CNTLN: variants seen among roughly 807,000 people sequenced by gnomAD.
CNTLN encodes centlein.
In CNTLN, 212 loss-of-function variants were observed where a neutral mutation model predicts 180.0. The ratio of observed to expected loss-of-function variants is 1.18; its 90% CI spans 1.05 to 1.32. The LOEUF (loss-of-function observed/expected upper bound fraction) is 1.32. Ranked by LOEUF, CNTLN falls within the 40% of genes most tolerant of loss-of-function variation. The pLI is 0.00. For synonymous variants in CNTLN, 722 were observed against 563.1 expected (o/e 1.28, Z -3.99); for missense variants, 2,095 against 1,610.9 (o/e 1.30, Z -5.14).
chr9:17,319,582 A>T (rs1364038788), intron 8 of CNTLN, among the ~76,000 whole-genome samples: 2 of 152,188 alleles, frequency 1.3e-5, no homozygotes, highest in Non-Finnish European at 2.9e-5. Context: ...TGGATTTGGA[A>T]CATAGACTTG....
At chr9:17,472,228 G>A (rs1157641590) in intron 23 of CNTLN, among the ~76,000 whole-genome samples, 1 of 152,002 alleles carries the variant, frequency 6.6e-6, no homozygotes, top group Non-Finnish European at 1.5e-5. Flanking sequence ...GGTACATGAG[G>A]GTTGATCTTG....
the CNTLN span, among the ~76,000 whole-genome samples, chr9:17,514,801 T>A: frequency 2.0e-5 from 3 of 152,196 alleles, no homozygotes; most frequent in Non-Finnish European, 2.9e-5. Context: ...CATACAGAAT[T>A]ATTGTGACTG....
At chr9:17,523,780 CT>C in the CNTLN span, among the ~76,000 whole-genome samples, 78 of 152,224 alleles carry the variant, frequency 5.1e-4, no homozygotes, top group Admixed American at 1.5e-3. Flanking sequence ...TAGCTGGTAT[CT>C]TTTGAAACTT....
chr9:17,176,418 C>T (rs1042760668), intron 2 of CNTLN, among the ~76,000 whole-genome samples: 1 of 152,116 alleles, frequency 6.6e-6, no homozygotes, highest in Admixed American at 6.5e-5. Context: ...GAATACTGAA[C>T]CAGCTTTGCC....
chr9:17,174,857 T>C (rs1263291585), intron 2 of CNTLN, among the ~76,000 whole-genome samples: 1 of 152,248 alleles, frequency 6.6e-6, no homozygotes, highest in African/African-American at 2.4e-5. Flanking sequence ...TGCTGATGTA[T>C]AGTTATACCT....
intron 2 of CNTLN, among the ~76,000 whole-genome samples, chr9:17,187,401 A>G (rs1821497933): frequency 6.6e-6 from 1 of 152,030 alleles, no homozygotes; most frequent in South Asian, 2.1e-4. Flanking sequence ...GGTTGAGAAA[A>G]TGAGAGTGTC....
chr9:17,226,283 A>G lies in CNTLN; in HGVS notation c.530A>G (p.Glu177Gly). 6.5e-7 allele frequency: 1 copy of G among 1,548,400 alleles called. No individual in the cohort carries two copies. The highest frequency in any genetic ancestry group is 8.8e-7 in the Non-Finnish European group (1 of 1,139,512). The change falls in exon 3 of 26, where the codon GAA becomes GGA. Residue 177 changes from glutamate to glycine, a missense_variant. Physicochemically the swap from Glu to Gly is moderately conservative, Grantham distance 98 (BLOSUM62 -2). Transcript: ENST00000380647. The stretch of plus-strand genomic sequence containing the variant: ...AAGGATGCCAAAATACAAGAATTTG[A>G]ACAGGTTGGTGTTATAATAAAAATA... ...QVKDAKIQEF[E>G]QRESVLKQEI...
At chr9:17,427,457 G>C (rs1489491651) in intron 18 of CNTLN, among the ~76,000 whole-genome samples, 6 of 151,942 alleles carry the variant, frequency 3.9e-5, no homozygotes, top group Non-Finnish European at 7.4e-5. Context: ...ATCAAAGATT[G>C]AACAAAATAT....
intron 8 of CNTLN, among the ~76,000 whole-genome samples, chr9:17,312,353 ATATATATATAT>A (rs1291918942): frequency 9.7e-4 from 15 of 15,400 alleles, no homozygotes; most frequent in African/African-American, 2.1e-3. Context: ...TTATATATAT[ATATATATATAT>A]TATATATATA....
rs138457879 is a variant in CNTLN at position 17,213,640 on chromosome 9, A to G, written c.450-12563A>G. Among the ~76,000 whole-genome samples the G allele has an allele frequency of 1.9e-3, 286 of 152,202 alleles. 1 individual carries two copies. The highest frequency in any genetic ancestry group is 6.6e-3 in the African/African-American group (273 of 41,528). ...AACTTTCTGACTCGTTGGTCTGTCTAATGTTGACAGTGGGGTGTTATCGTC... is the reference window on the plus strand; with the variant it reads ...AACTTTCTGACTCGTTGGTCTGTCTGATGTTGACAGTGGGGTGTTATCGTC... On this transcript the variant is annotated intron_variant, in intron 2 of 25. Coordinates refer to ENST00000380647, the MANE Select transcript of CNTLN (RefSeq NM_017738.4).
At chr9:17,445,901 G>A (rs996365311) in intron 18 of CNTLN, among the ~76,000 whole-genome samples, 20 of 149,696 alleles carry the variant, frequency 1.3e-4, no homozygotes, top group Admixed American at 1.3e-3. Context: ...TATAAAACCC[G>A]ATTGTATGCT....
At chr9:17,226,481 GAATT>G (rs1824473857) in intron 3 of CNTLN, among the ~76,000 whole-genome samples, 194 bp downstream of exon 3, 1 of 151,654 alleles carries the variant, frequency 6.6e-6, no homozygotes, top group Non-Finnish European at 1.5e-5. Flanking sequence ...TTTGTTTTCT[GAATT>G]AATAGATTAT....
intron 10 of CNTLN, among the ~76,000 whole-genome samples, chr9:17,336,669 G>A (rs1479876962): frequency 6.6e-6 from 1 of 152,124 alleles, no homozygotes. Flanking sequence ...AATAAATTAA[G>A]CAAGTAAAAT....
In CNTLN at chr9:17,292,091, G is replaced by A. The variant is rs149213194; in HGVS notation, c.984-6099G>A. 5.2e-3 allele frequency among the ~76,000 whole-genome samples: 790 copies of A among 152,238 alleles called. 4 individuals are homozygous for A. The highest frequency in any genetic ancestry group is 0.018 in the African/African-American group (758 of 41,550). Reference sequence around the variant, plus strand: ...TTGACTGGAAATGAAATTCAGGATTGGAAATCCTTTTCTTTAAGAATATTG... The same window carrying A: ...TTGACTGGAAATGAAATTCAGGATTAGAAATCCTTTTCTTTAAGAATATTG... On this transcript the variant is annotated intron_variant, in intron 6 of 25. Coordinates refer to ENST00000380647, the MANE Select transcript of CNTLN (RefSeq NM_017738.4).
At chr9:17,164,457 GTTTTTTTTTT>G (rs772109564) in intron 2 of CNTLN, among the ~76,000 whole-genome samples, 11 of 68,460 alleles carry the variant, frequency 1.6e-4, no homozygotes, top group African/African-American at 1.8e-4. Context: ...TTATTTTTAT[GTTTTTTTTTT>G]TTTTTTTTTT....
chr9:17,466,751 T>C lies in CNTLN; in HGVS notation c.3715T>C (p.Ser1239Pro), dbSNP rs1380356986. The C allele has an allele frequency of 3.7e-6, 6 of 1,610,588 alleles. No individual in the cohort carries two copies. The East Asian group carries it at 1.3e-4, about 36-fold the overall frequency. ...LLVSRISETE[S>P]AMAEIETAAS... is the part of the protein sequence containing the mutation. Reference sequence around the variant, plus strand: ...AGTATCAAGAATAAGTGAGACTGAATCTGCAATGGCAGAAATTGAAACAGC... The same window carrying C: ...AGTATCAAGAATAAGTGAGACTGAACCTGCAATGGCAGAAATTGAAACAGC... Residue 1239 changes from serine (S) to proline (P), a missense_variant, in exon 23 of 26, where the codon TCT (serine) becomes CCT (proline). Physicochemically the swap from Ser to Pro is moderately conservative, Grantham distance 74. Coordinates refer to ENST00000380647, the MANE Select transcript of CNTLN (RefSeq NM_017738.4).
At position 17,259,200 on chromosome 9, in the gene CNTLN, TA is replaced by T. The variant is rs1254179812; in HGVS notation, c.850-14532del. Among the ~76,000 whole-genome samples, 20 of 149,888 alleles carry T rather than the reference TA, an allele frequency of 1.3e-4. No individual in the cohort carries two copies. In the East Asian group the frequency reaches 2.8e-3, roughly 21 times the overall value. ...TAGCATGAAGGGTTGTTGAATTTTGTACAAAGGCCTTTTCTGCATCTATTGA... is the reference window on the plus strand; with the variant it reads ...TAGCATGAAGGGTTGTTGAATTTTGTCAAAGGCCTTTTCTGCATCTATTGA... On this transcript the variant is annotated intron_variant, in intron 5 of 25. Transcript: ENST00000380647.
chr9:17,415,721 T>C lies in CNTLN; in HGVS notation c.2797-67T>C, dbSNP rs76669639. 7,776 of 994,334 alleles carry C rather than the reference T, an allele frequency of 7.8e-3. 375 individuals are homozygous for C. The African/African-American group carries it at 0.11, about 14-fold the overall frequency. 61.6% of individuals were successfully genotyped at this position (994,334 alleles called of 1,614,324 possible). ...GTATTTTTTAAGTAAAGAGATGTTATTTATATCAGTTCACTTGATGTTGTT... is the reference window on the plus strand; with the variant it reads ...GTATTTTTTAAGTAAAGAGATGTTACTTATATCAGTTCACTTGATGTTGTT... On this transcript the variant is annotated intron_variant, in intron 16 of 25. Coordinates refer to ENST00000380647, the MANE Select transcript of CNTLN (RefSeq NM_017738.4).
intron 14 of CNTLN, among the ~76,000 whole-genome samples, chr9:17,391,797 A>T (rs1385577388): frequency 2.0e-5 from 3 of 152,158 alleles, no homozygotes; most frequent in Non-Finnish European, 4.4e-5. Flanking sequence ...AATAATGATA[A>T]TGATAATAAA....
Sources: allele counts gnomAD v4.1 joint callset (sites outside exome capture counted in the v4.1 genomes callset), GRCh38; gene constraint gnomAD v4.1.1; transcripts MANE v1.5; gene names NCBI Gene and HGNC (gene_info 2026-07-23, HGNC 2026-07-21).